ACAT1: variants seen among roughly 807,000 people sequenced by gnomAD.
ACAT1 encodes the protein acetyl-CoA acetyltransferase 1.
ACAT1 carries 28 observed loss-of-function variants against 47.3 expected under a neutral mutation model. That is an observed-to-expected ratio of 0.59 (90% confidence interval 0.44 to 0.81). The LOEUF (loss-of-function observed/expected upper bound fraction) is 0.81. ACAT1 is among the 30% of genes least tolerant of loss of function. ACAT1 has a pLI of 0.00. For synonymous variants in ACAT1, 181 were observed against 173.6 expected, an observed-to-expected ratio of 1.04 and a Z score of -0.34; for missense variants, 469 against 524.3, an observed-to-expected ratio of 0.89 and a Z score of 1.03.
upstream of ACAT1, among the ~76,000 whole-genome samples, chr11:108,119,455 G>C (rs1161175301): frequency 1.3e-5 from 2 of 151,980 alleles, no homozygotes; most frequent in Non-Finnish European, 2.9e-5. Context: ...CACTCACCTG[G>C]GCCTCCCAAA....
chr11:108,121,062 G>T (rs2077139554), upstream of ACAT1, among the ~76,000 whole-genome samples: 2 of 152,184 alleles, frequency 1.3e-5, no homozygotes, highest in South Asian at 4.1e-4. Flanking sequence ...TTATCTGGTT[G>T]TGGAGGCTTT....
intron 2 of ACAT1, among the ~76,000 whole-genome samples, chr11:108,132,219 T>G (rs1198366871): frequency 6.6e-6 from 1 of 152,128 alleles, no homozygotes; most frequent in African/African-American, 2.4e-5. Flanking sequence ...CTTCTTTTAC[T>G]CACAGGGACT....
intron 1 of ACAT1, among the ~76,000 whole-genome samples, chr11:108,128,332 T>C (rs1182999391): frequency 2.0e-5 from 3 of 152,236 alleles, no homozygotes; most frequent in Non-Finnish European, 2.9e-5. Context: ...GGCTCATGCC[T>C]GTAATCCCAG....
Position 108,134,575 on chromosome 11 carries a change from T to C in ACAT1, c.334+259T>C, listed in dbSNP as rs563370096. 1.8e-5 allele frequency: 5 copies of C among 276,068 alleles called. No individual in the cohort carries two copies. The East Asian group carries it at 4.4e-4, about 24-fold the overall frequency. 17.1% of individuals were successfully genotyped at this position (276,068 alleles called of 1,614,324 possible). A position where few individuals can be genotyped will look rare whatever the true frequency, so the allele number is the denominator to read the frequency against. On this transcript the variant is annotated intron_variant, in intron 4 of 11. Transcript: ENST00000265838. Reference sequence around the variant, plus strand: ...ATCGCTTGAACCCAGGAGGCGGAGGTTGCAGTGAGCCAAGATTGCACCATT... The same window carrying C: ...ATCGCTTGAACCCAGGAGGCGGAGGCTGCAGTGAGCCAAGATTGCACCATT...
At chr11:108,143,495 T>C (rs184556746) in intron 9 of ACAT1, 3 of 152,558 alleles carry the variant, frequency 2.0e-5, no homozygotes, top group East Asian at 3.9e-4. Context: ...AGCCGATTTT[T>C]AGCTGCAGAA....
At chr11:108,145,182 C>T (rs1050217657) in intron 10 of ACAT1, among the ~76,000 whole-genome samples, 1 of 152,192 alleles carries the variant, frequency 6.6e-6, no homozygotes, top group African/African-American at 2.4e-5. Context: ...AATACACCTT[C>T]CTGCATAGCT....
rs943472111 is a variant in ACAT1, at chr11:108,142,376, T to C, written c.827-61T>C. 8 of 1,311,846 alleles carry C rather than the reference T, an allele frequency of 6.1e-6. 1 individual carries two copies. Among genetic ancestry groups the C allele is most frequent in the Non-Finnish European group, 6.5e-6 (6 of 919,972 alleles). The allele number at this position is 1,311,846 out of a possible 1,614,324, so 81.3% of individuals were successfully genotyped here. On this transcript the variant is annotated intron_variant, in intron 8 of 11. Transcript: ENST00000265838. ...GCCCAGGCAATAGGTATTTGTTGAA[T>C]TGAACCAAATACATTTATTGTGAAG...
intron 1 of ACAT1, among the ~76,000 whole-genome samples, chr11:108,123,296 CATGCTGTA>C (rs1169847623): frequency 6.6e-6 from 1 of 152,120 alleles, no homozygotes; most frequent in Non-Finnish European, 1.5e-5. Flanking sequence ...TAAGCCTGTA[CATGCTGTA>C]ATGTATGATA....
intron 5 of ACAT1, 113 bp from the exon 6 acceptor site, chr11:108,138,784 CA>C: frequency 5.8e-6 from 7 of 1,208,208 alleles, no homozygotes; most frequent in Non-Finnish European, 8.6e-6. Context: ...CACTGTGTAA[CA>C]AATGTTTAAT....
chr11:108,141,792 A>G, intron 8 of ACAT1, 92 bp downstream of exon 8: 2 of 665,206 alleles, frequency 3.0e-6, no homozygotes, highest in South Asian at 3.4e-5. Context: ...AAAATTCTAG[A>G]AAACATCTAG....
intron 5 of ACAT1, among the ~76,000 whole-genome samples, chr11:108,138,132 G>A (rs2077503373): frequency 7.9e-6 from 1 of 127,124 alleles, no homozygotes; most frequent in Non-Finnish European, 1.7e-5. Flanking sequence ...GGGACTACAG[G>A]CGTGTGCCAC....
At chr11:108,118,754 A>T (rs2077105827), upstream of ACAT1, among the ~76,000 whole-genome samples, 1 of 152,206 alleles carries the variant, frequency 6.6e-6, no homozygotes, top group Admixed American at 6.5e-5. Flanking sequence ...ATTTTTTTGA[A>T]GTTTAGTTTT....
rs1401976856 is a variant in ACAT1 at position 108,147,370 on chromosome 11, A to G, written c.1264A>G (p.Met422Val). ...CAATGGAGGAGGAGGTGCTTCTGCC[A>G]TGCTAATTCAGAAGCTGTAGACAAC... Reference protein sequence around the residue: ...ICNGGGGASAMLIQKL With the variant: ...ICNGGGGASAVLIQKL The change falls in exon 12 of 12, where the codon ATG becomes GTG. Residue 422 changes from methionine (M) to valine (V), a missense_variant. Met to Val is a conservative substitution (Grantham distance 21). Coordinates refer to ENST00000265838, the MANE Select transcript of ACAT1 (RefSeq NM_000019.4). 6 of 1,613,830 alleles carry G rather than the reference A, an allele frequency of 3.7e-6. No homozygotes were observed. The highest frequency in any genetic ancestry group is 4.2e-6 in the Non-Finnish European group (5 of 1,179,848).
In ACAT1 at chr11:108,147,302, C is replaced by G. The variant is rs2077737916; in HGVS notation, c.1196C>G (p.Thr399Ser). The change falls in exon 12 of 12, where the codon ACT becomes AGT. Residue 399 changes from threonine to serine, a missense_variant. Thr to Ser is a moderately conservative substitution (Grantham distance 58). Coordinates refer to ENST00000265838, the MANE Select transcript of ACAT1 (RefSeq NM_000019.4). Reference protein sequence around the residue: ...MSGARIVGHLTHALKQGEYGL... With the variant: ...MSGARIVGHLSHALKQGEYGL... Reference sequence around the variant, plus strand: ...GGAGCCAGGATTGTTGGTCATTTGACTCATGCCTTGAAGCAAGGAGAATAC... The same window carrying G: ...GGAGCCAGGATTGTTGGTCATTTGAGTCATGCCTTGAAGCAAGGAGAATAC... 6.2e-7 allele frequency: 1 copy of G among 1,613,800 alleles called. No homozygotes were observed. Among genetic ancestry groups the G allele is most frequent in the African/African-American group, 1.3e-5 (1 of 74,890 alleles).
intron 5 of ACAT1, chr11:108,136,290 C>T: frequency 2.4e-6 from 1 of 411,626 alleles, no homozygotes; most frequent in East Asian, 3.6e-5. Context: ...TTAAAAAAAT[C>T]TGTACATGTG....
At chr11:108,124,842 T>G (rs1245011181) in intron 1 of ACAT1, among the ~76,000 whole-genome samples, 1 of 152,194 alleles carries the variant, frequency 6.6e-6, no homozygotes, top group Non-Finnish European at 1.5e-5. Flanking sequence ...GTGTTCCTGA[T>G]GCCTCAAATG....
rs1555031491 is a variant in ACAT1 at position 108,131,372 on chromosome 11, T to TTTTTTTTTTTTTTA, written c.73-535_73-534insTTTTTTTTTTTTTA. Among the ~76,000 whole-genome samples, 29 of 142,350 alleles carry TTTTTTTTTTTTTTA rather than the reference T, an allele frequency of 2.0e-4. 1 individual carries two copies. Among genetic ancestry groups the TTTTTTTTTTTTTTA allele is most frequent in the African/African-American group, 5.7e-4 (22 of 38,268 alleles). 93.4% of individuals were successfully genotyped at this position (142,350 alleles called of 152,430 possible). ...ACTTGGAATTTTTTTTTTTTTTTTT[T>TTTTTTTTTTTTTTA]AGACAGTCTTGCTTTGTTGCCAAGG... On this transcript the variant is annotated intron_variant, in intron 1 of 11. Coordinates refer to ENST00000265838, the MANE Select transcript of ACAT1 (RefSeq NM_000019.4).
At chr11:108,117,383 C>T (rs1238736488), upstream of ACAT1, among the ~76,000 whole-genome samples, 1 of 151,540 alleles carries the variant, frequency 6.6e-6, no homozygotes, top group Non-Finnish European at 1.5e-5. Context: ...TCTCGACTCA[C>T]TGCAACCTCC....
chr11:108,126,071 C>T (rs951932463), intron 1 of ACAT1, among the ~76,000 whole-genome samples: 2 of 152,120 alleles, frequency 1.3e-5, no homozygotes, highest in Non-Finnish European at 2.9e-5. Flanking sequence ...GGCGCGATCT[C>T]GGCTCACTGA....
Sources: gnomAD v4.1 joint callset for allele counts (sites outside exome capture counted in the v4.1 genomes callset) on GRCh38, gnomAD v4.1.1 for gene constraint, MANE v1.5 for transcripts, NCBI Gene and HGNC (gene_info 2026-07-23, HGNC 2026-07-21) for gene names.